The following C15orf39 variants were observed in gnomAD, a reference collection of about 807,000 sequenced individuals.
The protein encoded by C15orf39 is uncharacterized protein C15orf39.
C15orf39 carries 24 observed loss-of-function variants against 53.9 expected under a neutral mutation model. That is an observed-to-expected ratio of 0.45 (90% CI 0.32 to 0.63). C15orf39 has a LOEUF of 0.63. C15orf39 is among the 20% of genes least tolerant of loss of function. C15orf39 has a pLI of 0.04. For synonymous variants in C15orf39, 569 were observed against 576.5 expected (o/e 0.99, Z 0.19); for missense variants, 1,271 against 1,347.9 (o/e 0.94, Z 0.89).
chr15:75,202,528 G>A (rs1472169387), intron 1 of C15orf39: 1 of 152,232 alleles, frequency 6.6e-6, no homozygotes, highest in African/African-American at 2.4e-5. Flanking sequence ...ACGGCCCTGC[G>A]GTTTTCTCGC....
chr15:75,209,642 T>C (rs1298536197), intron 2 of C15orf39: 1 of 152,242 alleles, frequency 6.6e-6, no homozygotes, highest in Non-Finnish European at 1.5e-5. Flanking sequence ...ACCAAGTGGA[T>C]TCTGTTATTG....
chr15:75,201,347 G>C (rs2070399911), upstream of C15orf39, among the ~76,000 whole-genome samples: 1 of 152,146 alleles, frequency 6.6e-6, no homozygotes, highest in African/African-American at 2.4e-5. This position sits in a 1 kb window ranked among gnomAD's most constrained non-coding sequence, Gnocchi z 4.7. Context: ...GGAGATTGCC[G>C]CTTCCTCAGA....
chr15:75,204,087 G>C (rs2070422180), intron 1 of C15orf39, among the ~76,000 whole-genome samples: 1 of 152,202 alleles, frequency 6.6e-6, no homozygotes, highest in Non-Finnish European at 1.5e-5. Context: ...GTCTAACTCA[G>C]CCTGTGGCTG....
rs776386329 is a variant in C15orf39 at position 75,208,652 on chromosome 15, G to A, written c.2604G>A (p.Glu868=). Residue 868 remains glutamate, a synonymous_variant, in exon 2 of 3, where the codon GAG becomes GAA. Transcript: ENST00000394987. ...CTTCTGTGGACCATGTGCTGCAGGA[G>A]CATCGTGTGGAGCTGCGGCCCACCA... ...PPASVDHVLQ[E]HRVELRPTTL... The A allele has an allele frequency of 1.9e-6, 3 of 1,604,886 alleles. No individual in the cohort carries two copies. Among genetic ancestry groups the A allele is most frequent in the South Asian group, 2.2e-5 (2 of 89,898 alleles).
rs2070451914 is a variant in C15orf39 at position 75,207,794 on chromosome 15, A to G, written c.1746A>G (p.Thr582=). 1 of 1,612,266 alleles carries G rather than the reference A, an allele frequency of 6.2e-7. No individual in the cohort carries two copies. Among genetic ancestry groups the G allele is most frequent in the South Asian group, 1.1e-5 (1 of 90,934 alleles). ...VALDLSVRKP[T]AEASPVKASR... is the part of the protein sequence containing the mutation. ...TGGATTTGAGTGTGAGGAAGCCCAC[A>G]GCAGAGGCCTCCCCTGTCAAGGCTT... The change falls in exon 2 of 3, where the codon ACA becomes ACG. Residue 582 remains threonine (T), a synonymous_variant. Transcript: ENST00000394987.
In C15orf39 at chr15:75,207,986, T is replaced by G; in HGVS notation, c.1938T>G (p.Ser646=). Residue 646 remains serine (S), a synonymous_variant, in exon 2 of 3, where the codon TCT becomes TCG. Coordinates refer to ENST00000394987, the MANE Select transcript of C15orf39 (RefSeq NM_015492.5). ...DAMPRTNFHS[S]VAFMFRKFKI... is the part of the protein sequence containing the mutation. ...TGCCAAGGACCAACTTCCACAGCTC[T>G]GTGGCCTTCATGTTCCGAAAGTTCA... The G allele has an allele frequency of 6.2e-7, 1 of 1,614,010 alleles. No homozygotes were observed.
In C15orf39 at chr15:75,207,287, C is replaced by T; in HGVS notation, c.1239C>T (p.Phe413=). 1 of 1,613,492 alleles carries T rather than the reference C, an allele frequency of 6.2e-7. No homozygotes were observed. Among genetic ancestry groups the T allele is most frequent in the Non-Finnish European group, 8.5e-7 (1 of 1,179,972 alleles). The change falls in exon 2 of 3, where the codon TTC becomes TTT. Residue 413 remains phenylalanine (F), a synonymous_variant. Transcript: ENST00000394987. ...NVRAVPQPGA[F]QRACQPLPAS... ...GGGCTGTGCCACAGCCTGGTGCCTT[C>T]CAGAGGGCATGCCAGCCTTTGCCAG...
chr15:75,205,937 C>T lies in C15orf39; in HGVS notation c.-50-62C>T, dbSNP rs146353943. The T allele has an allele frequency of 2.8e-3, 3,119 of 1,115,018 alleles. 8 individuals carry two copies. Among genetic ancestry groups the T allele is most frequent in the Non-Finnish European group, 3.4e-3 (2,735 of 804,200 alleles). 69.1% of individuals were successfully genotyped at this position (1,115,018 alleles called of 1,614,324 possible). A position where few individuals can be genotyped will look rare whatever the true frequency, so the allele number is the denominator to read the frequency against. On this transcript the variant is annotated intron_variant, in intron 1 of 2. Transcript: ENST00000394987. ...CCGTGAGCTGATGAGAGCAGCAGCC[C>T]TCTGTTGCTTTGCCTGTAGCCTGTT... is the stretch of plus-strand genomic sequence containing the variant.
At chr15:75,203,839 A>G (rs192103590) in intron 1 of C15orf39, among the ~76,000 whole-genome samples, 113 of 152,262 alleles carry the variant, frequency 7.4e-4, no homozygotes, top group African/African-American at 2.3e-3. Context: ...TCCTTCTCAC[A>G]GCATTGCTGT....
In C15orf39 at chr15:75,208,657, G is replaced by A. The variant is rs759446415; in HGVS notation, c.2609G>A (p.Arg870His). 2.2e-5 allele frequency: 36 copies of A among 1,605,838 alleles called. No homozygotes were observed. The highest frequency in any genetic ancestry group is 1.1e-4 in the African/African-American group (8 of 74,864). Residue 870 changes from arginine to histidine, a missense_variant, in exon 2 of 3, where the codon CGT (arginine) becomes CAT (histidine). This residue lies in a region of C15orf39 where 277 missense variants were observed against 354.1 expected (regional missense o/e 0.78). Transcript: ENST00000394987. Reference sequence around the variant, plus strand: ...GTGGACCATGTGCTGCAGGAGCATCGTGTGGAGCTGCGGCCCACCACGCTG... The same window carrying A: ...GTGGACCATGTGCTGCAGGAGCATCATGTGGAGCTGCGGCCCACCACGCTG... ...ASVDHVLQEH[R>H]VELRPTTLSE...
At position 75,208,194 on chromosome 15, in the gene C15orf39, G is replaced by C. The variant is rs1250153062; in HGVS notation, c.2146G>C (p.Val716Leu). 6.2e-7 allele frequency: 1 copy of C among 1,613,778 alleles called. No homozygotes were observed. Among genetic ancestry groups the C allele is most frequent in the Non-Finnish European group, 8.5e-7 (1 of 1,180,042 alleles). Reference sequence around the variant, plus strand: ...ACTGCCCAGCCCTCCAGCCGTAGCTGTGGCCTCCCCTGCCCCTGCTCCAGC... The same window carrying C: ...ACTGCCCAGCCCTCCAGCCGTAGCTCTGGCCTCCCCTGCCCCTGCTCCAGC... ...LALPSPPAVA[V>L]ASPAPAPAPS... Residue 716 changes from valine to leucine, a missense_variant, in exon 2 of 3, where the codon GTG becomes CTG. Coordinates refer to ENST00000394987, the MANE Select transcript of C15orf39 (RefSeq NM_015492.5).
At chr15:75,205,973 C>T (rs1447551069) in intron 1 of C15orf39, 26 bp from the exon 2 acceptor site, 2 of 1,412,682 alleles carry the variant, frequency 1.4e-6, no homozygotes, top group Admixed American at 2.6e-5. Context: ...TTCCTGACAG[C>T]CCCTGCCTTT....
Position 75,207,463 on chromosome 15 carries a change from C to G in C15orf39, c.1415C>G (p.Thr472Ser), listed in dbSNP as rs759877273. ...ATCCGAGACAGTCCAGTTCCCTGTA[C>G]CCCCCCAGCACTGCCCCCCTGTGCC... ...IVIRDSPVPCTPPALPPCARE... is the reference protein window; with the variant it reads ...IVIRDSPVPCSPPALPPCARE... The change falls in exon 2 of 3, where the codon ACC becomes AGC. Residue 472 changes from threonine to serine, a missense_variant. This residue lies in a region of C15orf39 where 994 missense variants were observed against 993.7 expected (regional missense o/e 1.00). Transcript: ENST00000394987. 3.7e-6 allele frequency: 6 copies of G among 1,613,302 alleles called. No individual in the cohort carries two copies. The highest frequency in any genetic ancestry group is 1.1e-5 in the South Asian group (1 of 91,050).
At chr15:75,199,896 T>TA (rs1470474208), upstream of C15orf39, among the ~76,000 whole-genome samples, 2 of 152,218 alleles carry the variant, frequency 1.3e-5, no homozygotes, top group East Asian at 3.8e-4. Context: ...ACAGTCCTGA[T>TA]AAAAACATGT....
chr15:75,208,122 C>G lies in C15orf39; in HGVS notation c.2074C>G (p.Arg692Gly). The part of the protein sequence containing the change: ...PTPTSGPIGL[R>G]ILAQQPLSVT... ...CCCCACATCTGGGCCCATTGGACTG[C>G]GGATTCTCGCTCAACAGCCCTTGTC... Residue 692 changes from arginine to glycine, a missense_variant, in exon 2 of 3, where the codon CGG (arginine) becomes GGG (glycine). By Grantham distance (125) the Arg-to-Gly change is moderately radical. Around this residue, in one of 2 missense-constraint regions of C15orf39, gnomAD observed 994 missense variants for 993.7 expected, o/e 1.00. Coordinates refer to ENST00000394987, the MANE Select transcript of C15orf39 (RefSeq NM_015492.5). 3.7e-6 allele frequency: 6 copies of G among 1,614,122 alleles called. No homozygotes were observed. The South Asian group carries it at 6.6e-5, about 18-fold the overall frequency.
rs1170949416 is a variant in C15orf39, at chr15:75,207,785, G to A, written c.1737G>A (p.Arg579=). ...KEEVALDLSV[R]KPTAEASPVK... is the part of the protein sequence containing the mutation. ...AGGTAGCCCTGGATTTGAGTGTGAG[G>A]AAGCCCACAGCAGAGGCCTCCCCTG... Residue 579 remains arginine, a synonymous_variant, in exon 2 of 3, where the codon AGG becomes AGA. Coordinates refer to ENST00000394987, the MANE Select transcript of C15orf39 (RefSeq NM_015492.5). 1.9e-6 allele frequency: 3 copies of A among 1,611,672 alleles called. No individual in the cohort carries two copies. Among genetic ancestry groups the A allele is most frequent in the Non-Finnish European group, 2.5e-6 (3 of 1,179,200 alleles).
intron 2 of C15orf39, among the ~76,000 whole-genome samples, chr15:75,210,232 C>G (rs1595956940): frequency 6.6e-6 from 1 of 152,192 alleles, no homozygotes. Flanking sequence ...TCCCTCCCAC[C>G]TTGGGGGCCG....
At position 75,211,154 on chromosome 15, in the gene C15orf39, C is replaced by T; in HGVS notation, c.*38C>T. On this transcript the variant is annotated 3_prime_UTR_variant, in exon 3 of 3. Coordinates refer to ENST00000394987, the MANE Select transcript of C15orf39 (RefSeq NM_015492.5). Reference sequence around the variant, plus strand: ...GTGCTGTGTGTATAGCAGTCACTCTCCACCCTTCCCTTCTGCCTGCCCAGC... The same window carrying T: ...GTGCTGTGTGTATAGCAGTCACTCTTCACCCTTCCCTTCTGCCTGCCCAGC... 6.5e-7 allele frequency: 1 copy of T among 1,542,652 alleles called. No homozygotes were observed. Among genetic ancestry groups the T allele is most frequent in the Non-Finnish European group, 8.7e-7 (1 of 1,147,684 alleles).
Position 75,208,116 on chromosome 15 carries a change from G to A in C15orf39, c.2068G>A (p.Gly690Arg), listed in dbSNP as rs905596008. ...ACCCACCCCCACATCTGGGCCCATTGGACTGCGGATTCTCGCTCAACAGCC... is the reference window on the plus strand; with the variant it reads ...ACCCACCCCCACATCTGGGCCCATTAGACTGCGGATTCTCGCTCAACAGCC... ...PAPTPTSGPIGLRILAQQPLS... is the reference protein window; with the variant it reads ...PAPTPTSGPIRLRILAQQPLS... The change falls in exon 2 of 3, where the codon GGA becomes AGA. Residue 690 changes from glycine (G) to arginine (R), a missense_variant. By Grantham distance (125) the Gly-to-Arg change is moderately radical. Transcript: ENST00000394987. 3.7e-6 allele frequency: 6 copies of A among 1,614,084 alleles called. No individual in the cohort carries two copies. The Admixed American group carries it at 5.0e-5, about 13-fold the overall frequency.
Sources: allele counts gnomAD v4.1 joint callset (sites outside exome capture counted in the v4.1 genomes callset), GRCh38; gene constraint gnomAD v4.1.1; regional missense constraint gnomAD v4.1.1; non-coding constraint Gnocchi (gnomAD v3.1); transcripts MANE v1.5; gene names NCBI Gene and HGNC (gene_info 2026-07-23, HGNC 2026-07-21).